The following TP63 variants were observed in gnomAD, a reference collection of about 807,000 sequenced individuals.
TP63 encodes tumor protein p63.
A neutral mutation model predicts 82.8 loss-of-function variants in TP63; 17 were observed. The observed-to-expected ratio is 0.21, with a 90% CI of 0.14 to 0.31. The LOEUF (loss-of-function observed/expected upper bound fraction) is 0.31, where lower values mean the gene tolerates loss of function less well. Among genes scored for constraint, TP63 ranks in the 10% least tolerant of loss-of-function variants. The pLI, the probability that TP63 is intolerant of heterozygous loss-of-function variation, is 1.00. For synonymous variants in TP63, 330 were observed against 321.7 expected, an observed-to-expected ratio of 1.03 and a Z score of -0.28; for missense variants, 648 against 895.3, an observed-to-expected ratio of 0.72 and a Z score of 3.52.
chr3:189,834,076 G>A (rs562933735), intron 4 of TP63, among the ~76,000 whole-genome samples: 6 of 152,188 alleles, frequency 3.9e-5, no homozygotes, highest in Non-Finnish European at 8.8e-5. Context: ...TGAGAGACAT[G>A]ACGATACTTG....
At chr3:189,799,365 CTTGT>C (rs1173345493) in intron 3 of TP63, among the ~76,000 whole-genome samples, 1 of 152,034 alleles carries the variant, frequency 6.6e-6, no homozygotes, top group East Asian at 1.9e-4. Flanking sequence ...TTTCTCTAAG[CTTGT>C]TTCTGGGTGG....
chr3:189,701,666 G>T (rs144998465), intron 1 of TP63, among the ~76,000 whole-genome samples: 1 of 151,626 alleles, frequency 6.6e-6, no homozygotes, highest in East Asian at 1.9e-4. Context: ...GGAGGGGAAA[G>T]TTCAAAAATT....
intron 3 of TP63, among the ~76,000 whole-genome samples, chr3:189,776,595 C>T (rs1428248319): frequency 6.6e-6 from 1 of 152,162 alleles, no homozygotes; most frequent in Non-Finnish European, 1.5e-5. Context: ...TTAGAGTCCT[C>T]CAAAGCTAGG....
At chr3:189,709,441 T>C (rs1181892784) in intron 1 of TP63, among the ~76,000 whole-genome samples, 5 of 152,150 alleles carry the variant, frequency 3.3e-5, no homozygotes, top group Admixed American at 3.3e-4. Flanking sequence ...ATTTTTCCAC[T>C]ATGGAGCCCA....
chr3:189,880,358 A>C, intron 10 of TP63: 3 of 1,245,182 alleles, frequency 2.4e-6, no homozygotes, highest in East Asian at 6.2e-5. Flanking sequence ...TTTTGAAGGG[A>C]CTCAAACCTT....
chr3:189,605,016 T>G, the TP63 span, among the ~76,000 whole-genome samples: 2 of 152,220 alleles, frequency 1.3e-5, no homozygotes, highest in Non-Finnish European at 2.9e-5. Flanking sequence ...TGGTGTTGTA[T>G]TCTTTACCCA....
chr3:189,842,525 G>A (rs1714278623), intron 4 of TP63, among the ~76,000 whole-genome samples: 4 of 152,154 alleles, frequency 2.6e-5, no homozygotes, highest in Non-Finnish European at 4.4e-5. Context: ...GAAGAATTTT[G>A]ACTCTACAGA....
intron 1 of TP63, among the ~76,000 whole-genome samples, chr3:189,696,349 A>T (rs2108731047): frequency 6.6e-6 from 1 of 152,254 alleles, no homozygotes; most frequent in South Asian, 2.1e-4. Flanking sequence ...TATACCTGTA[A>T]GATTAATCCT....
At chr3:189,765,433 C>CTTTTTT (rs576530590) in intron 3 of TP63, among the ~76,000 whole-genome samples, 492 of 30,034 alleles carry the variant, frequency 0.016, 191 homozygotes, top group African/African-American at 0.053. Context: ...CTGTCCTCTG[C>CTTTTTT]TTTTTTTTTT....
intron 1 of TP63, among the ~76,000 whole-genome samples, chr3:189,675,429 G>A (rs1217149839): frequency 6.6e-6 from 1 of 152,018 alleles, no homozygotes; most frequent in Non-Finnish European, 1.5e-5. Flanking sequence ...AAAATATAAG[G>A]AGGTCAAAAA....
intron 3 of TP63, among the ~76,000 whole-genome samples, chr3:189,757,816 A>G (rs1219928567): frequency 6.6e-5 from 10 of 152,172 alleles, no homozygotes; most frequent in Admixed American, 5.9e-4. Context: ...CTCAAATAAT[A>G]TTAATAATTG....
At chr3:189,647,103 G>T (rs9879965) in intron 1 of TP63, among the ~76,000 whole-genome samples, 121,615 of 145,658 alleles carry the variant, frequency 0.83, 54,085 homozygotes, top group East Asian at 0.93. Flanking sequence ...TTTAGCACTT[G>T]GTCGCTTCCA....
intron 4 of TP63, among the ~76,000 whole-genome samples, chr3:189,842,604 G>A (rs1392263759): frequency 1.3e-5 from 2 of 152,186 alleles, no homozygotes; most frequent in Non-Finnish European, 2.9e-5. Context: ...GGAGCACATA[G>A]ATGTCCAGTA....
chr3:189,627,613 G>A (rs528132278), upstream of TP63, among the ~76,000 whole-genome samples: 6 of 152,186 alleles, frequency 3.9e-5, no homozygotes, highest in South Asian at 2.1e-4. Context: ...CACATCAGAC[G>A]GTGCAAATAT....
chr3:189,602,683 G>A, the TP63 span, among the ~76,000 whole-genome samples: 2 of 152,232 alleles, frequency 1.3e-5, no homozygotes, highest in East Asian at 3.9e-4. Flanking sequence ...TCTTCTTTGG[G>A]CTGCAGGGAA....
chr3:189,762,406 G>A (rs1722650818), intron 3 of TP63, among the ~76,000 whole-genome samples: 1 of 152,010 alleles, frequency 6.6e-6, no homozygotes, highest in Non-Finnish European at 1.5e-5. Context: ...AGCTTTTGGG[G>A]CAAGAGAGAA....
chr3:189,731,258 C>T (rs1392561587), intron 1 of TP63, among the ~76,000 whole-genome samples: 5 of 151,998 alleles, frequency 3.3e-5, no homozygotes, highest in African/African-American at 1.2e-4. Context: ...GCAGGAGAAT[C>T]GCTTGAACCC....
intron 4 of TP63, 58 bp downstream of exon 4, chr3:189,808,584 A>G (rs1221928308): frequency 6.2e-6 from 10 of 1,607,448 alleles, no homozygotes; most frequent in Middle Eastern, 1.6e-4. Context: ...GGGCTTCACC[A>G]CGTCCCAGGG....
At chr3:189,824,052 C>G (rs957852636) in intron 4 of TP63, among the ~76,000 whole-genome samples, 4 of 152,070 alleles carry the variant, frequency 2.6e-5, no homozygotes, top group Non-Finnish European at 5.9e-5. Context: ...TTGATCGTTT[C>G]AAGAGGATCC....
Sources: allele counts gnomAD v4.1 joint callset (sites outside exome capture counted in the v4.1 genomes callset), GRCh38; gene constraint gnomAD v4.1.1; transcripts MANE v1.5; gene names NCBI Gene and HGNC (gene_info 2026-07-23, HGNC 2026-07-21).